GUCA1B: variants seen among roughly 807,000 people sequenced by gnomAD.
The protein encoded by GUCA1B is guanylate cyclase activator 1B.
GUCA1B carries 22 observed loss-of-function variants against 24.2 expected under a neutral mutation model. The observed-to-expected ratio is 0.91, with a 90% CI of 0.65 to 1.30. The LOEUF (loss-of-function observed/expected upper bound fraction) is 1.30, where lower values mean the gene tolerates loss of function less well. GUCA1B is among the 50% of genes most tolerant of loss of function. The pLI is 0.00. For synonymous variants in GUCA1B, 100 were observed against 97.9 expected (o/e 1.02, Z -0.13); for missense variants, 221 against 258.8 (o/e 0.85, Z 1.00).
intron 3 of GUCA1B, 133 bp from the exon 4 acceptor site, chr6:42,185,075 C>T: frequency 1.3e-6 from 1 of 773,640 alleles, no homozygotes; most frequent in South Asian, 1.7e-5. Flanking sequence ...AGACCTCAAG[C>T]TTGCGGCTTG....
intron 1 of GUCA1B, among the ~76,000 whole-genome samples, chr6:42,191,862 C>T (rs1768309911): frequency 1.3e-5 from 2 of 152,074 alleles, no homozygotes; most frequent in Non-Finnish European, 2.9e-5. Flanking sequence ...CACAACATCA[C>T]ATCAGTGGCA....
intron 1 of GUCA1B, among the ~76,000 whole-genome samples, chr6:42,191,539 G>A (rs959556346): frequency 6.6e-6 from 1 of 152,194 alleles, no homozygotes; most frequent in African/African-American, 2.4e-5. Flanking sequence ...GTCCCTGAGA[G>A]AGGAACTGAA....
Position 42,184,813 on chromosome 6 carries a change from C to T in GUCA1B, c.*2G>A. 1 of 1,614,010 alleles carries T rather than the reference C, an allele frequency of 6.2e-7. No homozygotes were observed. Among genetic ancestry groups the T allele is most frequent in the South Asian group, 1.1e-5 (1 of 91,080 alleles). ...TGGAGTCGTGGAGGGGCCCCAGACTCCTCAGAACATGGCACTTTTCCGTCT... is the reference window on the plus strand; with the variant it reads ...TGGAGTCGTGGAGGGGCCCCAGACTTCTCAGAACATGGCACTTTTCCGTCT... On this transcript the variant is annotated 3_prime_UTR_variant, in exon 4 of 4. Transcript: ENST00000230361.
Position 42,184,663 on chromosome 6 carries a change from G to A in GUCA1B, c.*152C>T. The A allele has an allele frequency of 1.2e-6, 1 of 822,400 alleles. No homozygotes were observed. The highest frequency in any genetic ancestry group is 2.1e-6 in the Non-Finnish European group (1 of 479,456). The allele number at this position is 822,400 out of a possible 1,614,324, so 50.9% of individuals were successfully genotyped here. A position where few individuals can be genotyped will look rare whatever the true frequency, so the allele number is the denominator to read the frequency against. On this transcript the variant is annotated 3_prime_UTR_variant, in exon 4 of 4. Transcript: ENST00000230361. ...TGCCCTGTTGGCCACTTCAAACCCA[G>A]CAGCCCTTCCCCATCCCCACTCAGC...
chr6:42,192,280 G>A (rs1768319088), intron 1 of GUCA1B, among the ~76,000 whole-genome samples: 1 of 134,310 alleles, frequency 7.4e-6, no homozygotes, highest in African/African-American at 2.8e-5. Flanking sequence ...CTTGAACCTG[G>A]GAGGTGGAGG....
At chr6:42,187,129 G>A (rs888454063) in intron 2 of GUCA1B, among the ~76,000 whole-genome samples, 2 of 150,748 alleles carry the variant, frequency 1.3e-5, no homozygotes, top group Non-Finnish European at 3.0e-5. Flanking sequence ...TTTTTGAGAC[G>A]GAGTCTTGCT....
Position 42,184,819 on chromosome 6 carries a change from A to C in GUCA1B, c.599T>G (p.Phe200Cys). The change falls in exon 4 of 4, where the codon TTC becomes TGC. Residue 200 changes from phenylalanine to cysteine, a missense_variant. By Grantham distance (205) the Phe-to-Cys change is radical (BLOSUM62 -2). Transcript: ENST00000230361. Reference sequence around the variant, plus strand: ...CGTGGAGGGGCCCCAGACTCCTCAGAACATGGCACTTTTCCGTCTCTGCTG... The same window carrying C: ...CGTGGAGGGGCCCCAGACTCCTCAGCACATGGCACTTTTCCGTCTCTGCTG... ...LAQQRRKSAM[F>C] The C allele has an allele frequency of 1.2e-6, 2 of 1,614,056 alleles. No individual in the cohort carries two copies. Among genetic ancestry groups the C allele is most frequent in the Non-Finnish European group, 1.7e-6 (2 of 1,180,004 alleles).
chr6:42,188,915 C>CTATA lies in GUCA1B; in HGVS notation c.208-185_208-184insTATA, dbSNP rs58017929. Among the ~76,000 whole-genome samples the CTATA allele has an allele frequency of 5.6e-3, 788 of 139,746 alleles. 14 individuals carry two copies. Among genetic ancestry groups the CTATA allele is most frequent in the African/African-American group, 0.021 (721 of 34,756 alleles). The allele number at this position is 139,746 out of a possible 152,430, so 91.7% of individuals were successfully genotyped here. A position where few individuals can be genotyped will look rare whatever the true frequency, so the allele number is the denominator to read the frequency against. On this transcript the variant is annotated intron_variant, in intron 1 of 3. Coordinates refer to ENST00000230361, the MANE Select transcript of GUCA1B (RefSeq NM_002098.6). ...ATCTATCTATCTATATCTATATCAT[C>CTATA]TCTCTCTCTCTCTCTCTATCTGACT...
In GUCA1B at chr6:42,185,728, CGGGT is replaced by C. The variant is rs1428935603; in HGVS notation, c.423_426del (p.Pro142ArgfsTer21). 6.2e-7 allele frequency: 1 copy of C among 1,612,976 alleles called. No homozygotes were observed. Among genetic ancestry groups the C allele is most frequent in the African/African-American group, 1.3e-5 (1 of 74,918 alleles). On this transcript the variant is annotated frameshift_variant, in exon 3 of 4. Transcript: ENST00000230361. LOFTEE classifies it high-confidence loss of function. ...AGGAAGATCCTGTCCACGACCTCCT[CGGGT>C]GTGAGCAGCTGGCCTTGCTCAGTTT...
intron 2 of GUCA1B, among the ~76,000 whole-genome samples, chr6:42,187,695 T>C (rs1273978558): frequency 1.3e-5 from 2 of 152,026 alleles, no homozygotes; most frequent in East Asian, 3.9e-4. Context: ...AGTGCTGGGG[T>C]TACATGTGTC....
At position 42,183,953 on chromosome 6, in the gene GUCA1B, T is replaced by C. The variant is rs1168959485; in HGVS notation, c.*862A>G. ...ACAGCCTGCAGCGTATTTGCTGCCA[T>C]TTTTCCTGTTGACACCACTGGTGAG... is the stretch of plus-strand genomic sequence containing the variant. On this transcript the variant is annotated 3_prime_UTR_variant, in exon 4 of 4. Transcript: ENST00000230361. 6.6e-6 allele frequency among the ~76,000 whole-genome samples: 1 copy of C among 152,108 alleles called. No individual in the cohort carries two copies. The highest frequency in any genetic ancestry group is 1.5e-5 in the Non-Finnish European group (1 of 68,002).
intron 1 of GUCA1B, among the ~76,000 whole-genome samples, chr6:42,190,405 C>T (rs1768286038): frequency 7.4e-6 from 1 of 135,286 alleles, no homozygotes; most frequent in Non-Finnish European, 1.5e-5. Flanking sequence ...TGAACATTCC[C>T]TTTGTTGAAT....
chr6:42,191,160 T>C (rs1030824210), intron 1 of GUCA1B, among the ~76,000 whole-genome samples: 2 of 152,194 alleles, frequency 1.3e-5, no homozygotes, highest in African/African-American at 4.8e-5. Context: ...TCTGTGGGAT[T>C]ATCTGCCCTG....
rs897681948 is a variant in GUCA1B at position 42,184,026 on chromosome 6, C to G, written c.*789G>C. Among the ~76,000 whole-genome samples the G allele has an allele frequency of 1.3e-5, 2 of 152,066 alleles. No homozygotes were observed. The highest frequency in any genetic ancestry group is 4.8e-5 in the African/African-American group (2 of 41,404). ...CAGGGTCCTCCCCATGAACGCCCCTCAGCATCCCGGAAGTTATAGAATTAT... is the reference window on the plus strand; with the variant it reads ...CAGGGTCCTCCCCATGAACGCCCCTGAGCATCCCGGAAGTTATAGAATTAT... On this transcript the variant is annotated 3_prime_UTR_variant, in exon 4 of 4. Transcript: ENST00000230361.
At chr6:42,192,521 G>A (rs1768329068) in intron 1 of GUCA1B, among the ~76,000 whole-genome samples, 1 of 152,030 alleles carries the variant, frequency 6.6e-6, no homozygotes, top group African/African-American at 2.4e-5. Context: ...ACACCAGTCT[G>A]GTCAACATGG....
intron 2 of GUCA1B, among the ~76,000 whole-genome samples, chr6:42,186,103 T>C (rs1276041758): frequency 6.6e-6 from 1 of 152,118 alleles, no homozygotes; most frequent in Non-Finnish European, 1.5e-5. Flanking sequence ...TAAGTCACCA[T>C]GACAGTCTAA....
intron 1 of GUCA1B, among the ~76,000 whole-genome samples, chr6:42,189,064 T>C (rs1284136275): frequency 6.6e-6 from 1 of 152,158 alleles, no homozygotes; most frequent in Non-Finnish European, 1.5e-5. Flanking sequence ...ATTACAGGCA[T>C]AAGCCACCAC....
chr6:42,185,001 C>A, intron 3 of GUCA1B, 59 bp from the exon 4 acceptor site: 1 of 1,573,994 alleles, frequency 6.4e-7, no homozygotes, highest in South Asian at 1.1e-5. Context: ...GGTCTGGGGG[C>A]AGGAGGAGAG....
chr6:42,186,033 C>T (rs1042011192), intron 2 of GUCA1B, among the ~76,000 whole-genome samples: 1 of 152,214 alleles, frequency 6.6e-6, no homozygotes, highest in Admixed American at 6.5e-5. Flanking sequence ...ACCCCAACAC[C>T]ATTTGCATTT....
Sources: allele counts gnomAD v4.1 joint callset (sites outside exome capture counted in the v4.1 genomes callset), GRCh38; gene constraint gnomAD v4.1.1; transcripts MANE v1.5; gene names NCBI Gene and HGNC (gene_info 2026-07-23, HGNC 2026-07-21).